The following PTPRM variants were observed in gnomAD, a reference collection of about 807,000 sequenced individuals.
PTPRM encodes protein tyrosine phosphatase receptor type M.
A neutral mutation model predicts 186.7 loss-of-function variants in PTPRM; 47 were observed. That is an observed-to-expected ratio of 0.25 (90% CI 0.20 to 0.32). The LOEUF (loss-of-function observed/expected upper bound fraction) is 0.32, where lower values mean the gene tolerates loss of function less well. PTPRM is among the 10% of genes least tolerant of loss of function. PTPRM has a pLI of 1.00. For synonymous variants in PTPRM, 668 were observed against 674.9 expected, an observed-to-expected ratio of 0.99 and a Z score of 0.16; for missense variants, 1,494 against 1,865.0, an observed-to-expected ratio of 0.80 and a Z score of 3.66.
intron 1 of PTPRM, among the ~76,000 whole-genome samples, chr18:7,585,060 G>A (rs2036942377): frequency 6.6e-6 from 1 of 152,224 alleles, no homozygotes; most frequent in Admixed American, 6.5e-5. Flanking sequence ...GCCTTGGCAA[G>A]GGAGCTTGAG....
Position 8,151,353 on chromosome 18 carries a change from G to C in PTPRM, c.2300+7574G>C, listed in dbSNP as rs562286869. ...TCAGGAAGGAGAAATCTGGCAGTCTGACCACAGTGGCCTTGCTGAGCTGCA... is the reference window on the plus strand; with the variant it reads ...TCAGGAAGGAGAAATCTGGCAGTCTCACCACAGTGGCCTTGCTGAGCTGCA... On this transcript the variant is annotated intron_variant, in intron 14 of 32. Coordinates refer to ENST00000580170, the MANE Select transcript of PTPRM (RefSeq NM_001105244.2). Among the ~76,000 whole-genome samples, 40 of 152,024 alleles carry C rather than the reference G, an allele frequency of 2.6e-4. 1 individual carries two copies. The highest frequency in any genetic ancestry group is 9.2e-4 in the African/African-American group (38 of 41,448).
Position 7,788,798 on chromosome 18 carries a change from T to C in PTPRM, c.196+14527T>C, listed in dbSNP as rs116515508. ...AGAATTTGCTAATATTTGAAAGGCA[T>C]CATAGACAAACATTTTCTGAGCTTT... On this transcript the variant is annotated intron_variant, in intron 2 of 32. Coordinates refer to ENST00000580170, the MANE Select transcript of PTPRM (RefSeq NM_001105244.2). Among the ~76,000 whole-genome samples, 807 of 152,328 alleles carry C rather than the reference T, an allele frequency of 5.3e-3. 10 individuals carry two copies. The highest frequency in any genetic ancestry group is 0.018 in the African/African-American group (759 of 41,574).
chr18:8,059,090 G>T (rs1343060613), intron 7 of PTPRM, among the ~76,000 whole-genome samples: 1 of 145,314 alleles, frequency 6.9e-6, no homozygotes, highest in African/African-American at 2.7e-5. Flanking sequence ...CCATGAGCAT[G>T]GAATGTTCTT....
chr18:7,859,698 C>T (rs143225922), intron 2 of PTPRM, among the ~76,000 whole-genome samples: 5 of 152,310 alleles, frequency 3.3e-5, no homozygotes, highest in African/African-American at 9.6e-5. Context: ...GTTGAGGAGT[C>T]GGTACCCTGT....
intron 1 of PTPRM, among the ~76,000 whole-genome samples, chr18:7,732,585 CAG>C (rs1159496731): frequency 6.6e-6 from 1 of 152,154 alleles, no homozygotes; most frequent in African/African-American, 2.4e-5. Flanking sequence ...TAGCTCACTG[CAG>C]CCTTTGCCTT....
At chr18:8,126,485 A>C (rs1395026596) in intron 13 of PTPRM, among the ~76,000 whole-genome samples, 1 of 152,146 alleles carries the variant, frequency 6.6e-6, no homozygotes, top group African/African-American at 2.4e-5. Context: ...AAAAAGGTTG[A>C]ATGTTAATTG....
chr18:7,868,687 T>G (rs2047836075), intron 2 of PTPRM, among the ~76,000 whole-genome samples: 1 of 152,224 alleles, frequency 6.6e-6, no homozygotes, highest in African/African-American at 2.4e-5. Flanking sequence ...AGGGACCCAC[T>G]TGAAGAGGTA....
chr18:8,000,754 C>A (rs1222062179), intron 7 of PTPRM, among the ~76,000 whole-genome samples: 1 of 152,260 alleles, frequency 6.6e-6, no homozygotes, highest in East Asian at 1.9e-4. Flanking sequence ...CATGAAGTCA[C>A]AAGAAAAGAA....
At chr18:7,856,663 G>C (rs2047109804) in intron 2 of PTPRM, among the ~76,000 whole-genome samples, 1 of 151,348 alleles carries the variant, frequency 6.6e-6, no homozygotes, top group Non-Finnish European at 1.5e-5. Context: ...AGTATCACTT[G>C]AGCCCAGGAG....
At chr18:8,160,909 T>A (rs2146339162) in intron 14 of PTPRM, among the ~76,000 whole-genome samples, 1 of 152,338 alleles carries the variant, frequency 6.6e-6, no homozygotes, top group East Asian at 1.9e-4. Context: ...GGCCGCTTAG[T>A]GTAAGTGCCT....
chr18:8,362,921 A>G (rs2095605509), intron 23 of PTPRM, among the ~76,000 whole-genome samples: 2 of 152,234 alleles, frequency 1.3e-5, no homozygotes, highest in African/African-American at 4.8e-5. Flanking sequence ...GTGCGGCTCC[A>G]GGGAATGTGC....
At chr18:7,580,497 A>G (rs1035731478) in intron 1 of PTPRM, among the ~76,000 whole-genome samples, 1 of 152,250 alleles carries the variant, frequency 6.6e-6, no homozygotes, top group African/African-American at 2.4e-5. Context: ...CTCTTCAGCA[A>G]CTAGACTGTT....
intron 2 of PTPRM, chr18:7,815,359 G>A (rs995987837): frequency 2.0e-5 from 3 of 152,204 alleles, no homozygotes; most frequent in South Asian, 4.1e-4. Context: ...CCTCCTGTGC[G>A]GCAGCAGTGA....
rs1302562789 is a variant in PTPRM, at chr18:7,652,345, C to T, written c.73+84454C>T. On this transcript the variant is annotated intron_variant, in intron 1 of 32. Transcript: ENST00000580170. ...TCAACCATTGTGGAAGTCAGTGTGG[C>T]GATTCCTCAGGGATCTAGAACCAGA... 3.3e-5 allele frequency among the ~76,000 whole-genome samples: 5 copies of T among 152,126 alleles called. No homozygotes were observed. In the East Asian group the frequency reaches 5.8e-4, roughly 18 times the overall value.
chr18:8,388,092 G>A (rs1035702196), intron 31 of PTPRM, among the ~76,000 whole-genome samples: 1 of 152,286 alleles, frequency 6.6e-6, no homozygotes, highest in Admixed American at 6.5e-5. Flanking sequence ...ACTGAATGGA[G>A]AATGCCATGT....
chr18:7,921,274 A>AT (rs1356061305), intron 4 of PTPRM, among the ~76,000 whole-genome samples: 2 of 148,530 alleles, frequency 1.3e-5, no homozygotes, highest in South Asian at 2.1e-4. Context: ...TTTCCTTTTC[A>AT]TTTTTTTCTT....
rs561609239 is a variant in PTPRM, at chr18:8,307,353, C to A, written c.2843-7428C>A. ...GAACACATGTCCCGCGTTCTCCACC[C>A]CAACTGGACCCTTTCTTGAGACTTA... On this transcript the variant is annotated intron_variant, in intron 20 of 32. Coordinates refer to ENST00000580170, the MANE Select transcript of PTPRM (RefSeq NM_001105244.2). Among the ~76,000 whole-genome samples the A allele has an allele frequency of 2.0e-5, 3 of 152,334 alleles. No homozygotes were observed. The East Asian group carries it at 5.8e-4, about 29-fold the overall frequency.
chr18:7,569,367 T>C (rs1487882106), intron 1 of PTPRM, among the ~76,000 whole-genome samples: 1 of 152,222 alleles, frequency 6.6e-6, no homozygotes, highest in Non-Finnish European at 1.5e-5. Context: ...CTCCAAGTTT[T>C]GTGTTTCCCT....
chr18:7,878,285 T>G (rs573412830), intron 2 of PTPRM, among the ~76,000 whole-genome samples: 2 of 152,256 alleles, frequency 1.3e-5, no homozygotes, highest in Non-Finnish European at 2.9e-5. Flanking sequence ...TGATAATTTA[T>G]AAACTTGATA....
Sources: gnomAD v4.1 joint callset for allele counts (sites outside exome capture counted in the v4.1 genomes callset) on GRCh38, gnomAD v4.1.1 for gene constraint, MANE v1.5 for transcripts, NCBI Gene and HGNC (gene_info 2026-07-23, HGNC 2026-07-21) for gene names.